Variants in ABL2 observed in about 807,000 individuals in gnomAD.
The protein encoded by ABL2 is ABL proto-oncogene 2, non-receptor tyrosine kinase, also known as tyrosine-protein kinase ABL2.
A neutral mutation model predicts 107.7 loss-of-function variants in ABL2; 49 were observed. The ratio of observed to expected loss-of-function variants is 0.45; its 90% CI spans 0.36 to 0.58. ABL2 has a LOEUF of 0.58. ABL2 is among the 20% of genes least tolerant of loss of function. The probability of loss-of-function intolerance (pLI) is 0.00; values close to 1 mark genes in which losing one functional copy is unlikely to be tolerated. For synonymous variants in ABL2, 549 were observed against 548.6 expected (o/e 1.00, Z -0.01); for missense variants, 1,245 against 1,457.0 (o/e 0.85, Z 2.37).
chr1:179,174,920 A>AATAATAAT (rs1553228696), intron 1 of ABL2, among the ~76,000 whole-genome samples: 3 of 122,872 alleles, frequency 2.4e-5, no homozygotes, highest in Non-Finnish European at 5.0e-5. Flanking sequence ...AAAATAAAAA[A>AATAATAAT]AATAATAATA....
At chr1:179,128,949 T>G (rs11583272) in intron 3 of ABL2, among the ~76,000 whole-genome samples, 11,016 of 151,926 alleles carry the variant, frequency 0.073, 450 homozygotes, top group South Asian at 0.082. Flanking sequence ...CCTCCCAAAG[T>G]GCTGAGAATA....
At chr1:179,127,889 C>T (rs1339804458) in intron 3 of ABL2, among the ~76,000 whole-genome samples, 3 of 151,838 alleles carry the variant, frequency 2.0e-5, no homozygotes, top group African/African-American at 7.3e-5. Flanking sequence ...AAAAATTAGC[C>T]GGGTGTGATA....
intron 1 of ABL2, among the ~76,000 whole-genome samples, chr1:179,157,396 C>G (rs1316351343): frequency 2.6e-5 from 4 of 151,890 alleles, no homozygotes; most frequent in Admixed American, 1.3e-4. Context: ...ACTCGGTAGG[C>G]TGAGGCAGGA....
intron 1 of ABL2, among the ~76,000 whole-genome samples, chr1:179,200,376 T>C (rs1057137857): frequency 1.3e-5 from 2 of 152,228 alleles, no homozygotes; most frequent in African/African-American, 2.4e-5. Context: ...ACATTTATGT[T>C]GTCGCACTTT....
At chr1:179,198,693 CAAAAAA>C (rs534990752) in intron 1 of ABL2, among the ~76,000 whole-genome samples, 3 of 34,944 alleles carry the variant, frequency 8.6e-5, no homozygotes, top group Non-Finnish European at 1.4e-4. Flanking sequence ...ACTCCATCTC[CAAAAAA>C]AAAAAAAAAA....
At chr1:179,213,280 G>C (rs1283404146) in intron 1 of ABL2, among the ~76,000 whole-genome samples, 1 of 151,376 alleles carries the variant, frequency 6.6e-6, no homozygotes, top group African/African-American at 2.4e-5. Flanking sequence ...TTCTCAATTA[G>C]CTTATTTGTA....
At chr1:179,177,893 T>C (rs1660139601) in intron 1 of ABL2, among the ~76,000 whole-genome samples, 1 of 152,204 alleles carries the variant, frequency 6.6e-6, no homozygotes, top group African/African-American at 2.4e-5. Flanking sequence ...AGACTTCTAA[T>C]AGAATACCCA....
intron 1 of ABL2, among the ~76,000 whole-genome samples, chr1:179,223,051 A>G (rs1031203196): frequency 3.4e-5 from 5 of 146,490 alleles, no homozygotes; most frequent in African/African-American, 1.3e-4. Context: ...AGGAGGTTGC[A>G]GTGAGCCAAG....
At position 179,109,314 on chromosome 1, in the gene ABL2, G is replaced by GC. The variant is rs1384870686; in HGVS notation, c.1952dup (p.Phe652LeufsTer30). ...TCTTCTTCATGAAGGAGCTGAAGAA[G>GC]CCCCCCTTCCTATCCCTGGTGAAGC... On this transcript the variant is annotated frameshift_variant, in exon 12 of 12. Coordinates refer to ENST00000502732, the MANE Select transcript of ABL2 (RefSeq NM_007314.4). LOFTEE classifies it high-confidence loss of function. The GC allele has an allele frequency of 1.2e-6, 2 of 1,613,934 alleles. No individual in the cohort carries two copies. The highest frequency in any genetic ancestry group is 1.7e-6 in the Non-Finnish European group (2 of 1,179,998).
At chr1:179,214,559 T>C (rs2124836620) in intron 1 of ABL2, among the ~76,000 whole-genome samples, 1 of 143,266 alleles carries the variant, frequency 7.0e-6, no homozygotes, top group Non-Finnish European at 1.5e-5. Flanking sequence ...TATGAGAATA[T>C]ATGATAAATA....
intron 1 of ABL2, among the ~76,000 whole-genome samples, chr1:179,218,031 A>ACTC (rs1662670514): frequency 6.6e-6 from 1 of 152,200 alleles, no homozygotes; most frequent in South Asian, 2.1e-4. Flanking sequence ...TGAGTTTTAA[A>ACTC]AGAAAAAACA....
In ABL2 at chr1:179,108,140, G is replaced by A. The variant is rs758793584; in HGVS notation, c.3127C>T (p.Pro1043Ser). ...SGKAGRPVMP[P>S]PQVPLPTSSI... is the part of the protein sequence containing the mutation. Reference sequence around the variant, plus strand: ...GATGTGGGCAGAGGCACTTGAGGTGGAGGCATCACTGGCCTCCCAGCTTTC... The same window carrying A: ...GATGTGGGCAGAGGCACTTGAGGTGAAGGCATCACTGGCCTCCCAGCTTTC... The change falls in exon 12 of 12, where the codon CCA becomes TCA. Residue 1043 changes from proline to serine, a missense_variant. Physicochemically the swap from Pro to Ser is moderately conservative, Grantham distance 74. Around this residue, in one of 3 missense-constraint regions of ABL2, gnomAD observed 761 missense variants for 766.4 expected, o/e 0.99. Transcript: ENST00000502732. 3.1e-6 allele frequency: 5 copies of A among 1,614,118 alleles called. No homozygotes were observed. In the South Asian group the frequency reaches 3.3e-5, roughly 11 times the overall value.
At position 179,126,315 on chromosome 1, in the gene ABL2, G is replaced by A. The variant is rs965767119; in HGVS notation, c.687+62C>T. On this transcript the variant is annotated intron_variant, in intron 4 of 11. Transcript: ENST00000502732. This position sits in a 1 kb window ranked among gnomAD's most constrained non-coding sequence, Gnocchi z 4.4. ...AAATCTATTATTTCACTTCAATCAC[G>A]TTGAATATTATTTCACAGAGTAGCC... is the stretch of plus-strand genomic sequence containing the variant. 5.1e-5 allele frequency: 77 copies of A among 1,508,528 alleles called. No homozygotes were observed. The African/African-American group carries it at 7.2e-4, about 14-fold the overall frequency. 93.4% of individuals were successfully genotyped at this position (1,508,528 alleles called of 1,614,324 possible). A position where few individuals can be genotyped will look rare whatever the true frequency, so the allele number is the denominator to read the frequency against.
At chr1:179,110,136 A>T in intron 11 of ABL2, 146 bp downstream of exon 11, 1 of 926,948 alleles carries the variant, frequency 1.1e-6, no homozygotes, top group Non-Finnish European at 1.7e-6. Flanking sequence ...TTGGATGGAT[A>T]GCCAAGGGCT....
intron 4 of ABL2, among the ~76,000 whole-genome samples, chr1:179,124,215 G>C (rs9425472): frequency 6.6e-6 from 1 of 150,522 alleles, no homozygotes; most frequent in East Asian, 2.0e-4. Context: ...CACTCCAGCC[G>C]GGGCGACACA....
At chr1:179,143,669 TA>T (rs1457658415) in intron 1 of ABL2, among the ~76,000 whole-genome samples, 5 of 152,354 alleles carry the variant, frequency 3.3e-5, no homozygotes, top group Non-Finnish European at 5.9e-5. Context: ...TTTTGAGTGT[TA>T]AAAGTTTATT....
At chr1:179,229,195 C>T (rs1410021682) in intron 1 of ABL2, 46 bp downstream of exon 1, 5 of 1,308,962 alleles carry the variant, frequency 3.8e-6, no homozygotes, top group Non-Finnish European at 5.0e-6. Flanking sequence ...CCGACCCCAC[C>T]CCCGGCCTCC....
chr1:179,150,966 G>T (rs1471754484), intron 1 of ABL2, among the ~76,000 whole-genome samples: 23 of 152,164 alleles, frequency 1.5e-4, no homozygotes, highest in Admixed American at 1.5e-3. Context: ...TGAAGTCTCA[G>T]ATGATCATCA....
chr1:179,227,791 G>A (rs891527326), intron 1 of ABL2, among the ~76,000 whole-genome samples: 5 of 152,086 alleles, frequency 3.3e-5, no homozygotes, highest in African/African-American at 9.7e-5. Flanking sequence ...AGTGCCTCAC[G>A]CCTGTAATCC....
Sources: gnomAD v4.1 joint callset for allele counts (sites outside exome capture counted in the v4.1 genomes callset) on GRCh38, gnomAD v4.1.1 for gene constraint, gnomAD v4.1.1 regional missense constraint, Gnocchi (gnomAD v3.1) non-coding constraint, MANE v1.5 for transcripts, NCBI Gene and HGNC (gene_info 2026-07-23, HGNC 2026-07-21) for gene names.